Variants in GLS observed in about 807,000 individuals in gnomAD.
GLS encodes glutaminase.
A neutral mutation model predicts 86.7 loss-of-function variants in GLS; 36 were observed. The ratio of observed to expected loss-of-function variants is 0.42; its 90% CI spans 0.32 to 0.55. The LOEUF (loss-of-function observed/expected upper bound fraction) is 0.55. Ranked by LOEUF, GLS falls within the 20% of genes least tolerant of loss-of-function variation. The probability of loss-of-function intolerance (pLI) is 0.17; values close to 1 mark genes in which losing one functional copy is unlikely to be tolerated. For synonymous variants in GLS, 317 were observed against 305.9 expected (o/e 1.04, Z -0.38); for missense variants, 528 against 833.4 (o/e 0.63, Z 4.51).
chr2:190,937,605 A>C (rs545843588), intron 14 of GLS, among the ~76,000 whole-genome samples: 2 of 151,512 alleles, frequency 1.3e-5, no homozygotes, highest in Admixed American at 1.3e-4. Context: ...TGAACATAGG[A>C]GAGGAAGAGA....
In GLS at chr2:190,913,902, T is replaced by G. The variant is rs1309929086; in HGVS notation, c.1038+3581T>G. ...GCAGCCTCAAACTCCTGTGCTCAAGTGATCCTGCCACCTCAGACTCCAGAG... is the reference window on the plus strand; with the variant it reads ...GCAGCCTCAAACTCCTGTGCTCAAGGGATCCTGCCACCTCAGACTCCAGAG... On this transcript the variant is annotated intron_variant, in intron 7 of 17. Coordinates refer to ENST00000320717, the MANE Select transcript of GLS (RefSeq NM_014905.5). This position sits in a 1 kb window ranked among gnomAD's most constrained non-coding sequence, Gnocchi z 6.1. 5.7e-6 allele frequency: 1 copy of G among 175,258 alleles called. No homozygotes were observed. Among genetic ancestry groups the G allele is most frequent in the Non-Finnish European group, 1.1e-5 (1 of 89,220 alleles). 10.9% of individuals were successfully genotyped at this position (175,258 alleles called of 1,614,324 possible). A position where few individuals can be genotyped will look rare whatever the true frequency, so the allele number is the denominator to read the frequency against.
At chr2:190,933,112 ATT>A (rs1690161740) in intron 14 of GLS, 1 of 930,804 alleles carries the variant, frequency 1.1e-6, no homozygotes. Context: ...AAAAGGAAAA[ATT>A]TAAATTTTTT....
At chr2:190,901,518 AGT>A (rs1688937576) in intron 4 of GLS, among the ~76,000 whole-genome samples, 1 of 152,072 alleles carries the variant, frequency 6.6e-6, no homozygotes, top group Non-Finnish European at 1.5e-5. Flanking sequence ...TCAAGATTCA[AGT>A]GTATAACAAC....
At chr2:190,959,323 C>G (rs1025707803) in intron 17 of GLS, among the ~76,000 whole-genome samples, 1 of 151,298 alleles carries the variant, frequency 6.6e-6, no homozygotes, top group Non-Finnish European at 1.5e-5. Context: ...TGTCTTTGCA[C>G]GTGAGATGGA....
chr2:190,888,884 A>T (rs1688475420), intron 1 of GLS, among the ~76,000 whole-genome samples: 1 of 152,180 alleles, frequency 6.6e-6, no homozygotes, highest in African/African-American at 2.4e-5. Context: ...TTTTTCAAAA[A>T]ATTGTGGTTA....
chr2:190,945,974 A>G (rs1260204109), intron 14 of GLS, among the ~76,000 whole-genome samples: 1 of 152,144 alleles, frequency 6.6e-6, no homozygotes, highest in Non-Finnish European at 1.5e-5. Flanking sequence ...ATCAGTTTGG[A>G]TTAGTTTTGT....
rs142082525 is a variant in GLS, at chr2:190,942,631, A to G, written c.1651-10934A>G. On this transcript the variant is annotated intron_variant, in intron 14 of 17. Coordinates refer to ENST00000320717, the MANE Select transcript of GLS (RefSeq NM_014905.5). The stretch of plus-strand genomic sequence containing the variant: ...TGACTACCAGGTTTTTAGTATGAGC[A>G]ACAGGGCCAAAGCTGCTGCATTAAC... Among the ~76,000 whole-genome samples the G allele has an allele frequency of 5.7e-3, 862 of 152,308 alleles. 12 individuals are homozygous for G. Among genetic ancestry groups the G allele is most frequent in the African/African-American group, 0.018 (760 of 41,576 alleles).
At position 190,930,681 on chromosome 2, in the gene GLS, G is replaced by A. The variant is rs1233571098; in HGVS notation, c.1557+113G>A. 4.3e-6 allele frequency: 4 copies of A among 927,718 alleles called. No homozygotes were observed. The highest frequency in any genetic ancestry group is 4.8e-6 in the Non-Finnish European group (3 of 624,192). The allele number at this position is 927,718 out of a possible 1,614,324, so 57.5% of individuals were successfully genotyped here. ...TAACTCTTGGCCCTCCGCCTATAGTGTGCCAGTTACTAGGGAGCCGTGGAA... is the reference window on the plus strand; with the variant it reads ...TAACTCTTGGCCCTCCGCCTATAGTATGCCAGTTACTAGGGAGCCGTGGAA... On this transcript the variant is annotated intron_variant, in intron 13 of 17. Transcript: ENST00000320717. This position sits in a 1 kb window ranked among gnomAD's most constrained non-coding sequence, Gnocchi z 5.0.
At position 190,938,496 on chromosome 2, in the gene GLS, A is replaced by G. The variant is rs1037389017; in HGVS notation, c.1650+6859A>G. Among the ~76,000 whole-genome samples the G allele has an allele frequency of 3.3e-5, 5 of 151,652 alleles. No homozygotes were observed. Among genetic ancestry groups the G allele is most frequent in the Non-Finnish European group, 7.4e-5 (5 of 67,588 alleles). ...GAATTTTGATGTACTTTTATTTACC[A>G]TAATCTTATATATTTTTTAGAATCA... On this transcript the variant is annotated intron_variant, in intron 14 of 17. Transcript: ENST00000320717. This position sits in a 1 kb window ranked among gnomAD's most constrained non-coding sequence, Gnocchi z 4.1.
intron 6 of GLS, among the ~76,000 whole-genome samples, chr2:190,907,549 C>T (rs1488143165): frequency 6.6e-6 from 1 of 152,214 alleles, no homozygotes; most frequent in African/African-American, 2.4e-5. Context: ...AGCCACCACA[C>T]CTGGCAATAA....
At position 190,955,907 on chromosome 2, in the gene GLS, G is replaced by C. The variant is rs1050734277; in HGVS notation, c.1853+1089G>C. 6.6e-6 allele frequency among the ~76,000 whole-genome samples: 1 copy of C among 152,246 alleles called. No individual in the cohort carries two copies. Among genetic ancestry groups the C allele is most frequent in the Admixed American group, 6.5e-5 (1 of 15,302 alleles). ...TGATATTTTTTTCACATGTTTGTTG[G>C]CTGCATAAATGTCTTCTTTTGAGAA... On this transcript the variant is annotated intron_variant, in intron 17 of 17. Coordinates refer to ENST00000320717, the MANE Select transcript of GLS (RefSeq NM_014905.5). This position sits in a 1 kb window ranked among gnomAD's most constrained non-coding sequence, Gnocchi z 5.6.
intron 5 of GLS, among the ~76,000 whole-genome samples, chr2:190,903,288 A>G (rs1689014540): frequency 6.6e-6 from 1 of 152,230 alleles, no homozygotes; most frequent in African/African-American, 2.4e-5. Context: ...AAAGTAAGGA[A>G]TCTGAGGACC....
chr2:190,904,034 A>G (rs1191490820), intron 5 of GLS, among the ~76,000 whole-genome samples: 1 of 152,012 alleles, frequency 6.6e-6, no homozygotes, highest in Non-Finnish European at 1.5e-5. Flanking sequence ...TGTACTTCTC[A>G]GTTTGGTGGT....
At position 190,905,514 on chromosome 2, in the gene GLS, A is replaced by G. The variant is rs1012486071; in HGVS notation, c.979+347A>G. Among the ~76,000 whole-genome samples, 1 of 152,086 alleles carries G rather than the reference A, an allele frequency of 6.6e-6. No individual in the cohort carries two copies. The highest frequency in any genetic ancestry group is 2.4e-5 in the African/African-American group (1 of 41,460). On this transcript the variant is annotated intron_variant, in intron 6 of 17. Transcript: ENST00000320717. The surrounding 1 kb of genome is among the most constrained non-coding windows in gnomAD (Gnocchi z 4.6). ...ATATGTTGGTAATTATTGCAGCTAAATGATAGGTGCATGGGTGTTTGTATA... is the reference window on the plus strand; with the variant it reads ...ATATGTTGGTAATTATTGCAGCTAAGTGATAGGTGCATGGGTGTTTGTATA...
chr2:190,907,251 T>A (rs1689180636), intron 6 of GLS, among the ~76,000 whole-genome samples: 1 of 150,304 alleles, frequency 6.7e-6, no homozygotes, highest in African/African-American at 2.4e-5. Flanking sequence ...TAGTTTTTTT[T>A]TTTTTTTGAG....
intron 1 of GLS, among the ~76,000 whole-genome samples, chr2:190,889,397 C>T (rs1270985728): frequency 6.6e-6 from 1 of 152,194 alleles, no homozygotes; most frequent in Non-Finnish European, 1.5e-5. Context: ...ACTGCCTTCA[C>T]AAGGGAGTTC....
chr2:190,942,121 C>T (rs2124932864), intron 14 of GLS, among the ~76,000 whole-genome samples: 1 of 113,528 alleles, frequency 8.8e-6, no homozygotes, highest in South Asian at 3.3e-4. Context: ...GCTCTGTCTC[C>T]CAGGCTGGAG....
In GLS at chr2:190,962,031, A is replaced by G. The variant is rs1373037398; in HGVS notation, c.1854-799A>G. On this transcript the variant is annotated intron_variant, in intron 17 of 17. Coordinates refer to ENST00000320717, the MANE Select transcript of GLS (RefSeq NM_014905.5). The surrounding 1 kb of genome is among the most constrained non-coding windows in gnomAD (Gnocchi z 4.2). The stretch of plus-strand genomic sequence containing the variant: ...TTTGTAAAGTGTAAGGGAACTACCC[A>G]TCGTACCCTGTCATTGACTAGGGCT... Among the ~76,000 whole-genome samples, 2 of 152,192 alleles carry G rather than the reference A, an allele frequency of 1.3e-5. No homozygotes were observed. Among genetic ancestry groups the G allele is most frequent in the Non-Finnish European group, 2.9e-5 (2 of 68,034 alleles).
intron 17 of GLS, among the ~76,000 whole-genome samples, chr2:190,960,029 C>T (rs1026483049): frequency 4.6e-5 from 7 of 152,084 alleles, no homozygotes; most frequent in African/African-American, 1.7e-4. Context: ...CTGCTCCTCT[C>T]CTCTCTCTCC....
Sources: allele counts gnomAD v4.1 joint callset (sites outside exome capture counted in the v4.1 genomes callset), GRCh38; gene constraint gnomAD v4.1.1; non-coding constraint Gnocchi (gnomAD v3.1); transcripts MANE v1.5; gene names NCBI Gene and HGNC (gene_info 2026-07-23, HGNC 2026-07-21).